The following SF3B1 variants were observed in gnomAD, a reference collection of about 807,000 sequenced individuals.
SF3B1 encodes pre-mRNA processing 10.
SF3B1 carries 12 observed loss-of-function variants against 153.8 expected under a neutral mutation model. That is an observed-to-expected ratio of 0.08 (90% CI 0.05 to 0.13). SF3B1 has a LOEUF of 0.13. SF3B1 is among the 10% of genes least tolerant of loss of function. The pLI is 1.00. For synonymous variants in SF3B1, 498 were observed against 525.2 expected, an observed-to-expected ratio of 0.95 and a Z score of 0.71; for missense variants, 513 against 1,606.1, an observed-to-expected ratio of 0.32 and a Z score of 11.63.
chr2:197,408,429 G>T lies in SF3B1; in HGVS notation c.1057C>A (p.Leu353Met). ...ASQMGGSTPV[L>M]TPGKTPIGTP... is the part of the protein sequence containing the mutation. Reference sequence around the variant, plus strand: ...CCAATTGGTGTCTTTCCAGGGGTCAGAACTGGAGTGCTTCCACCCATCTGA... The same window carrying T: ...CCAATTGGTGTCTTTCCAGGGGTCATAACTGGAGTGCTTCCACCCATCTGA... The change falls in exon 8 of 25, where the codon CTG (leucine) becomes ATG (methionine). Residue 353 changes from leucine to methionine, a missense_variant. Physicochemically the swap from Leu to Met is conservative, Grantham distance 15. This residue lies in a region of SF3B1 where 91 missense variants were observed against 157.4 expected (regional missense o/e 0.58). Transcript: ENST00000335508. 6.2e-7 allele frequency: 1 copy of T among 1,614,142 alleles called. No individual in the cohort carries two copies. Among genetic ancestry groups the T allele is most frequent in the Middle Eastern group, 1.7e-4 (1 of 6,054 alleles).
rs11344645 is a variant in SF3B1 at position 197,424,493 on chromosome 2, C to CA, written c.29-520dup. The stretch of plus-strand genomic sequence containing the variant: ...GGTGACAGAGCAAGACTCTATCTCT[C>CA]AAAAAAAAAAAAAAAAACCGTGACA... On this transcript the variant is annotated intron_variant, in intron 1 of 24. Coordinates refer to ENST00000335508, the MANE Select transcript of SF3B1 (RefSeq NM_012433.4). Among the ~76,000 whole-genome samples, 798 of 105,096 alleles carry CA rather than the reference C, an allele frequency of 7.6e-3. 6 individuals are homozygous for CA. The highest frequency in any genetic ancestry group is 0.021 in the East Asian group (73 of 3,426). The allele number at this position is 105,096 out of a possible 152,430, so 68.9% of individuals were successfully genotyped here.
chr2:197,432,101 G>C (rs1170589750), intron 1 of SF3B1, among the ~76,000 whole-genome samples: 2 of 152,154 alleles, frequency 1.3e-5, no homozygotes, highest in East Asian at 3.9e-4. Context: ...TCCAACCTGG[G>C]CAACAGGGCA....
At chr2:197,418,672 ATAT>A (rs2085192880) in intron 4 of SF3B1, 84 bp from the exon 5 acceptor site, 1 of 1,512,586 alleles carries the variant, frequency 6.6e-7, no homozygotes. Context: ...CCTGCTCTAA[ATAT>A]TATGTTATTC....
chr2:197,434,336 A>T lies in SF3B1; in HGVS notation c.28+636T>A, dbSNP rs1004341280. 5.9e-5 allele frequency among the ~76,000 whole-genome samples: 9 copies of T among 152,214 alleles called. No homozygotes were observed. In the South Asian group the frequency reaches 1.2e-3, roughly 21 times the overall value. On this transcript the variant is annotated intron_variant, in intron 1 of 24. Transcript: ENST00000335508. Reference sequence around the variant, plus strand: ...AGCTTGAAAGCTTCGGCCATTAATGAAAGTAATTTATGTTTTCCTCTTCCA... The same window carrying T: ...AGCTTGAAAGCTTCGGCCATTAATGTAAGTAATTTATGTTTTCCTCTTCCA...
Position 197,405,068 on chromosome 2 carries a change from G to A in SF3B1, c.1539+8C>T, listed in dbSNP as rs1024165055. 1 of 1,538,648 alleles carries A rather than the reference G, an allele frequency of 6.5e-7. No homozygotes were observed. The highest frequency in any genetic ancestry group is 1.4e-5 in the African/African-American group (1 of 72,164). ...ACAAACATGACAATTTAACAAACTG[G>A]GACTTACCTTTCTCATTGGTGGTGT... On this transcript the variant is annotated splice_region_variant and intron_variant, in intron 11 of 24. Coordinates refer to ENST00000335508, the MANE Select transcript of SF3B1 (RefSeq NM_012433.4).
At chr2:197,425,542 G>C (rs1218005953) in intron 1 of SF3B1, among the ~76,000 whole-genome samples, 1 of 151,928 alleles carries the variant, frequency 6.6e-6, no homozygotes, top group East Asian at 1.9e-4. Flanking sequence ...AAAAGATAAA[G>C]ATTCAAATAG....
chr2:197,398,670 GT>G (rs2084902997), intron 20 of SF3B1, 89 bp from the exon 21 acceptor site: 1 of 1,204,048 alleles, frequency 8.3e-7, no homozygotes, highest in Admixed American at 2.2e-5. Flanking sequence ...ATATGACTAT[GT>G]ATAAATATAA....
intron 6 of SF3B1, among the ~76,000 whole-genome samples, chr2:197,415,263 T>C (rs902076537): frequency 5.8e-4 from 88 of 151,632 alleles, no homozygotes; most frequent in African/African-American, 2.0e-3. Context: ...TATTTATTTA[T>C]TTATTTTGAG....
At chr2:197,393,241 GA>G in intron 23 of SF3B1, 53 bp from the exon 24 acceptor site, 2 of 1,161,610 alleles carry the variant, frequency 1.7e-6, no homozygotes, top group Non-Finnish European at 2.6e-6. Flanking sequence ...AAGAAAGGGG[GA>G]AAAATCCTTA....
chr2:197,418,905 C>T, intron 4 of SF3B1: 1 of 1,596,152 alleles, frequency 6.3e-7, no homozygotes, highest in Non-Finnish European at 8.5e-7. Flanking sequence ...CACTTTCGTG[C>T]CTTTGTCTCC....
At chr2:197,424,884 G>A (rs1248423585) in intron 1 of SF3B1, among the ~76,000 whole-genome samples, 1 of 152,232 alleles carries the variant, frequency 6.6e-6, no homozygotes, top group Non-Finnish European at 1.5e-5. Flanking sequence ...TGCTGGCCGG[G>A]CGCGGTGGTC....
chr2:197,424,320 C>T (rs1266617529), intron 1 of SF3B1, among the ~76,000 whole-genome samples: 1 of 151,882 alleles, frequency 6.6e-6, no homozygotes, highest in Non-Finnish European at 1.5e-5. Flanking sequence ...CAACATATAG[C>T]GAAACCCCGT....
rs2105984766 is a variant in SF3B1, at chr2:197,401,914, A to C, written c.2224-26T>G. 1 of 1,587,544 alleles carries C rather than the reference A, an allele frequency of 6.3e-7. No individual in the cohort carries two copies. ...CTATTTTTAAATAAAAAATATATGT[A>C]CTTTAGTAATTTAGATTTATGTCGC... On this transcript the variant is annotated intron_variant, in intron 15 of 24. Transcript: ENST00000335508. The surrounding 1 kb of genome is among the most constrained non-coding windows in gnomAD (Gnocchi z 4.2).
At chr2:197,413,396 ACT>A (rs2085100642) in intron 6 of SF3B1, among the ~76,000 whole-genome samples, 2 of 152,192 alleles carry the variant, frequency 1.3e-5, no homozygotes, top group African/African-American at 4.8e-5. Flanking sequence ...ACAGAGCAAG[ACT>A]CTGTCTCAAA....
At chr2:197,411,468 T>C (rs552355287) in intron 6 of SF3B1, among the ~76,000 whole-genome samples, 2 of 151,894 alleles carry the variant, frequency 1.3e-5, no homozygotes, top group East Asian at 3.9e-4. Flanking sequence ...GGTCAGGAGA[T>C]AGAGACCATC....
chr2:197,395,961 G>T, intron 23 of SF3B1, 95 bp downstream of exon 23: 1 of 1,106,332 alleles, frequency 9.0e-7, no homozygotes, highest in Admixed American at 2.3e-5. Context: ...CTTTAACTAT[G>T]TTACAGTAAA....
At position 197,411,500 on chromosome 2, in the gene SF3B1, C is replaced by T. The variant is rs565903982; in HGVS notation, c.667-1493G>A. ...CATCCTGGCTAACATGGTGAAACCC[C>T]GTCTCTACTAATACAAAAAAAATCA... On this transcript the variant is annotated intron_variant, in intron 6 of 24. Transcript: ENST00000335508. Among the ~76,000 whole-genome samples the T allele has an allele frequency of 1.6e-4, 25 of 151,834 alleles. No homozygotes were observed. In the South Asian group the frequency reaches 5.2e-3, roughly 32 times the overall value.
intron 9 of SF3B1, among the ~76,000 whole-genome samples, chr2:197,405,705 A>T (rs2084982877): frequency 6.6e-6 from 1 of 152,078 alleles, no homozygotes; most frequent in African/African-American, 2.4e-5. Context: ...AGAAGAGCTT[A>T]GAAAATACTA....
chr2:197,417,576 A>T (rs2085168328), intron 5 of SF3B1, among the ~76,000 whole-genome samples: 2 of 42,130 alleles, frequency 4.7e-5, no homozygotes, highest in South Asian at 1.1e-3. Context: ...CACCTCTACT[A>T]AAAAAAAAAA....
Sources: gnomAD v4.1 joint callset for allele counts (sites outside exome capture counted in the v4.1 genomes callset) on GRCh38, gnomAD v4.1.1 for gene constraint, gnomAD v4.1.1 regional missense constraint, Gnocchi (gnomAD v3.1) non-coding constraint, MANE v1.5 for transcripts, NCBI Gene and HGNC (gene_info 2026-07-23, HGNC 2026-07-21) for gene names.